Variants in AGO4 observed in about 807,000 individuals in gnomAD.
The protein encoded by AGO4 is protein argonaute-4.
AGO4 carries 33 observed loss-of-function variants against 104.7 expected under a neutral mutation model. The observed-to-expected ratio is 0.32, with a 90% CI of 0.24 to 0.42. The LOEUF (loss-of-function observed/expected upper bound fraction) is 0.42, where lower values mean the gene tolerates loss of function less well. Among genes scored for constraint, AGO4 ranks in the 10% least tolerant of loss-of-function variants. The probability of loss-of-function intolerance (pLI) is 1.00; values close to 1 mark genes in which losing one functional copy is unlikely to be tolerated. For missense variants in AGO4, 711 were observed against 1,083.4 expected (o/e 0.66, Z 4.83); for synonymous variants, 331 against 364.7 (o/e 0.91, Z 1.05).
intron 12 of AGO4, among the ~76,000 whole-genome samples, chr1:35,834,748 T>TGC (rs1305162937): frequency 6.6e-6 from 1 of 152,176 alleles, no homozygotes; most frequent in African/African-American, 2.4e-5. Flanking sequence ...CAGGCTGGAG[T>TGC]GCGGTGTCAT....
In AGO4 at chr1:35,808,475, G is replaced by C. The variant is rs1385195666; in HGVS notation, c.19+40G>C. 8.5e-7 allele frequency: 1 copy of C among 1,177,766 alleles called. No homozygotes were observed. Among genetic ancestry groups the C allele is most frequent in the African/African-American group, 1.6e-5 (1 of 62,220 alleles). 73.0% of individuals were successfully genotyped at this position (1,177,766 alleles called of 1,614,324 possible). A position where few individuals can be genotyped will look rare whatever the true frequency, so the allele number is the denominator to read the frequency against. ...CGGGTCGGGGCGGGACCCGGGACCC[G>C]GGACCCGGGGCGGGCGGCCGGGACT... On this transcript the variant is annotated intron_variant, in intron 1 of 17. Coordinates refer to ENST00000373210, the MANE Select transcript of AGO4 (RefSeq NM_017629.4). This position sits in a 1 kb window ranked among gnomAD's most constrained non-coding sequence, Gnocchi z 5.2.
chr1:35,827,917 AT>A (rs902768540), intron 7 of AGO4, among the ~76,000 whole-genome samples: 5 of 149,308 alleles, frequency 3.3e-5, no homozygotes, highest in Admixed American at 6.7e-5. Context: ...CACTCGCCTA[AT>A]TTTTTTTGTA....
intron 15 of AGO4, among the ~76,000 whole-genome samples, chr1:35,844,639 C>G (rs1644525292): frequency 6.6e-6 from 1 of 152,146 alleles, no homozygotes. Flanking sequence ...CGTATCTCTC[C>G]ACCTATGCTT....
chr1:35,833,745 C>T (rs925976684), intron 11 of AGO4, among the ~76,000 whole-genome samples: 2 of 152,200 alleles, frequency 1.3e-5, no homozygotes, highest in Non-Finnish European at 2.9e-5. Context: ...TTAAAAATTT[C>T]AGTTGATAAT....
In AGO4 at chr1:35,841,145, A is replaced by G. The variant is rs1464429767; in HGVS notation, c.1725-20A>G. 33 of 1,596,644 alleles carry G rather than the reference A, an allele frequency of 2.1e-5. No individual in the cohort carries two copies. Among genetic ancestry groups the G allele is most frequent in the African/African-American group, 2.7e-5 (2 of 74,530 alleles). On this transcript the variant is annotated intron_variant, in intron 13 of 17. Coordinates refer to ENST00000373210, the MANE Select transcript of AGO4 (RefSeq NM_017629.4). This position sits in a 1 kb window ranked among gnomAD's most constrained non-coding sequence, Gnocchi z 4.7. ...TTCACTTATATGTCTGAGTGGCAAC[A>G]TCTCCTTAAATCTGAGCAGGCCCTC...
chr1:35,834,083 C>G lies in AGO4; in HGVS notation c.1473C>G (p.Asp491Glu). The stretch of plus-strand genomic sequence containing the variant: ...TCTGCAAGTATGCACAAGGTGCAGA[C>G]AGTGTGGAGCCTATGTTTAAACATC... ...PCFCKYAQGA[D>E]SVEPMFKHLK... Residue 491 changes from aspartate (D) to glutamate (E), a missense_variant, in exon 12 of 18, where the codon GAC (aspartate) becomes GAG (glutamate). This residue lies in a region of AGO4 where 401 missense variants were observed against 665.5 expected (regional missense o/e 0.60). Coordinates refer to ENST00000373210, the MANE Select transcript of AGO4 (RefSeq NM_017629.4). 6.2e-7 allele frequency: 1 copy of G among 1,612,264 alleles called. No individual in the cohort carries two copies. The highest frequency in any genetic ancestry group is 8.5e-7 in the Non-Finnish European group (1 of 1,179,268).
intron 15 of AGO4, among the ~76,000 whole-genome samples, chr1:35,847,009 T>G (rs1222393073): frequency 6.6e-6 from 1 of 150,832 alleles, no homozygotes; most frequent in African/African-American, 2.5e-5. Context: ...ATAGCAAGAC[T>G]CCATCTCAAA....
intron 12 of AGO4, among the ~76,000 whole-genome samples, chr1:35,835,360 GT>G (rs1644287478): frequency 6.6e-6 from 1 of 152,038 alleles, no homozygotes; most frequent in Non-Finnish European, 1.5e-5. Flanking sequence ...GCTGGCCCCA[GT>G]TTTAAACTTT....
Position 35,825,610 on chromosome 1 carries a change from A to G in AGO4, c.489-69A>G, listed in dbSNP as rs898864053. 8.5e-6 allele frequency: 13 copies of G among 1,531,012 alleles called. No individual in the cohort carries two copies. In the Admixed American group the frequency reaches 1.7e-4, roughly 20 times the overall value. The allele number at this position is 1,531,012 out of a possible 1,614,324, so 94.8% of individuals were successfully genotyped here. A position where few individuals can be genotyped will look rare whatever the true frequency, so the allele number is the denominator to read the frequency against. ...TTGTTCAAATTTGATTTCAGCTCCCAGAGTTGAGAGTGAAATGAAGGACCT... is the reference window on the plus strand; with the variant it reads ...TTGTTCAAATTTGATTTCAGCTCCCGGAGTTGAGAGTGAAATGAAGGACCT... On this transcript the variant is annotated intron_variant, in intron 4 of 17. Transcript: ENST00000373210.
At chr1:35,814,074 CA>C (rs1210490285) in intron 1 of AGO4, among the ~76,000 whole-genome samples, 126 of 69,622 alleles carry the variant, frequency 1.8e-3, no homozygotes, top group Middle Eastern at 0.012. Flanking sequence ...GACTCCATCT[CA>C]AAAAAAAAAA....
intron 15 of AGO4, among the ~76,000 whole-genome samples, chr1:35,848,316 T>C (rs1166809741): frequency 6.6e-6 from 1 of 152,126 alleles, no homozygotes; most frequent in African/African-American, 2.4e-5. Flanking sequence ...GTATTTGGAG[T>C]GTTTCCTGTT....
chr1:35,824,740 A>G (rs147126531), intron 3 of AGO4, among the ~76,000 whole-genome samples: 1 of 152,266 alleles, frequency 6.6e-6, no homozygotes, highest in East Asian at 1.9e-4. Flanking sequence ...CTTTGAGGCT[A>G]CAATAAGTTA....
chr1:35,840,817 A>T (rs1470892364), intron 13 of AGO4, among the ~76,000 whole-genome samples: 1 of 152,064 alleles, frequency 6.6e-6, no homozygotes, highest in Non-Finnish European at 1.5e-5. Context: ...GTCTTGATAT[A>T]TTGCCCAGGC....
At position 35,825,790 on chromosome 1, in the gene AGO4, G is replaced by A. The variant is rs1475007217; in HGVS notation, c.600G>A (p.Met200Ile). 5.0e-6 allele frequency: 8 copies of A among 1,591,754 alleles called. No individual in the cohort carries two copies. Among genetic ancestry groups the A allele is most frequent in the South Asian group, 2.3e-5 (2 of 86,940 alleles). Residue 200 changes from methionine (M) to isoleucine (I), a missense_variant, in exon 5 of 18, where the codon ATG (methionine) becomes ATA (isoleucine). By Grantham distance (10) the Met-to-Ile change is conservative (BLOSUM62 1). This residue lies in a region of AGO4 where 308 missense variants were observed against 397.8 expected (regional missense o/e 0.77). Coordinates refer to ENST00000373210, the MANE Select transcript of AGO4 (RefSeq NM_017629.4). ...TTCATCAGTCTGTGAGACCTGCCAT[G>A]TGGAATATGATGCTCAACATTGATG... Reference protein sequence around the residue: ...FGFHQSVRPAMWNMMLNIDVS... With the variant: ...FGFHQSVRPAIWNMMLNIDVS...
In AGO4 at chr1:35,856,055, A is replaced by G. The variant is rs1644810898; in HGVS notation, c.*2450A>G. The G allele has an allele frequency of 1.3e-5, 2 of 152,248 alleles. No homozygotes were observed. Among genetic ancestry groups the G allele is most frequent in the South Asian group, 4.1e-4 (2 of 4,838 alleles). 9.4% of individuals were successfully genotyped at this position (152,248 alleles called of 1,614,324 possible). A position where few individuals can be genotyped will look rare whatever the true frequency, so the allele number is the denominator to read the frequency against. On this transcript the variant is annotated 3_prime_UTR_variant, in exon 18 of 18. Transcript: ENST00000373210. ...CTTGCTCTACGCTCGACCTCGAACA[A>G]TACAGCTTGTAAGACCTCAGTCAGT...
Position 35,841,899 on chromosome 1 carries a change from G to T in AGO4, c.2175+149G>T. The T allele has an allele frequency of 6.7e-6, 3 of 451,104 alleles. No homozygotes were observed. The highest frequency in any genetic ancestry group is 4.6e-5 in the East Asian group (1 of 21,948). 27.9% of individuals were successfully genotyped at this position (451,104 alleles called of 1,614,324 possible). On this transcript the variant is annotated intron_variant, in intron 15 of 17. Transcript: ENST00000373210. The surrounding 1 kb of genome is among the most constrained non-coding windows in gnomAD (Gnocchi z 4.7). ...AATGCCTGATAATAATTTAACTGCA[G>T]TTGGGTTTAGATGACCAATTCTGAA...
In AGO4 at chr1:35,831,434, T is replaced by C; in HGVS notation, c.856T>C (p.Leu286=). 1 of 1,605,184 alleles carries C rather than the reference T, an allele frequency of 6.2e-7. No individual in the cohort carries two copies. Among genetic ancestry groups the C allele is most frequent in the Non-Finnish European group, 8.5e-7 (1 of 1,177,702 alleles). ...AGACATTCTCTCCTATAGTTTTCCT[T>C]TGCAGCTAGAAAACGGTCAAGCTAT... ...RRPASHQTFP[L]QLENGQAMEC... Residue 286 remains leucine (L), a synonymous_variant, in exon 8 of 18, where the codon TTG becomes CTG. Coordinates refer to ENST00000373210, the MANE Select transcript of AGO4 (RefSeq NM_017629.4).
intron 2 of AGO4, 48 bp downstream of exon 2, chr1:35,817,095 T>A: frequency 6.7e-7 from 1 of 1,501,308 alleles, no homozygotes; most frequent in Non-Finnish European, 9.0e-7. Flanking sequence ...TGCATATAAT[T>A]TATTTATGTA....
At chr1:35,821,022 G>A (rs1019228256) in intron 2 of AGO4, among the ~76,000 whole-genome samples, 1 of 152,122 alleles carries the variant, frequency 6.6e-6, no homozygotes, top group Non-Finnish European at 1.5e-5. Context: ...CTTAATCATT[G>A]TGTGATCAGG....
Sources: gnomAD v4.1 joint callset for allele counts (sites outside exome capture counted in the v4.1 genomes callset) on GRCh38, gnomAD v4.1.1 for gene constraint, gnomAD v4.1.1 regional missense constraint, Gnocchi (gnomAD v3.1) non-coding constraint, MANE v1.5 for transcripts, NCBI Gene and HGNC (gene_info 2026-07-23, HGNC 2026-07-21) for gene names.